CDC42EP3: variants seen among roughly 807,000 people sequenced by gnomAD.
The protein encoded by CDC42EP3 is CDC42 effector protein 3.
CDC42EP3 carries 4 observed loss-of-function variants against 15.5 expected under a neutral mutation model. That is an observed-to-expected ratio of 0.26 (90% CI 0.13 to 0.59). The LOEUF is 0.59. Among genes scored for constraint, CDC42EP3 ranks in the 20% least tolerant of loss-of-function variants. The probability of loss-of-function intolerance (pLI) is 0.89; values close to 1 mark genes in which losing one functional copy is unlikely to be tolerated. For synonymous variants in CDC42EP3, 145 were observed against 130.3 expected (o/e 1.11, Z -0.77); for missense variants, 309 against 311.2 (o/e 0.99, Z 0.05).
intron 1 of CDC42EP3, among the ~76,000 whole-genome samples, chr2:37,658,364 G>T (rs1164825773): frequency 6.6e-6 from 1 of 152,124 alleles, no homozygotes; most frequent in Non-Finnish European, 1.5e-5. Flanking sequence ...TGTTGAGCTT[G>T]CATGGCGGTT....
In CDC42EP3 at chr2:37,642,427, G is replaced by T. The variant is rs1558333395; in HGVS notation, c.*3396C>A. 1 of 152,200 alleles carries T rather than the reference G, an allele frequency of 6.6e-6. No individual in the cohort carries two copies. Among genetic ancestry groups the T allele is most frequent in the Non-Finnish European group, 1.5e-5 (1 of 68,034 alleles). 9.4% of individuals were successfully genotyped at this position (152,200 alleles called of 1,614,324 possible). On this transcript the variant is annotated 3_prime_UTR_variant, in exon 2 of 2. Coordinates refer to ENST00000295324, the MANE Select transcript of CDC42EP3 (RefSeq NM_006449.5). Reference sequence around the variant, plus strand: ...GCTGGATATGGCTGTCTAGTGGGTGGCTTACTGACTTGCCTAAGAAAAAAT... The same window carrying T: ...GCTGGATATGGCTGTCTAGTGGGTGTCTTACTGACTTGCCTAAGAAAAAAT...
chr2:37,668,413 C>T (rs1572529293), intron 1 of CDC42EP3, among the ~76,000 whole-genome samples: 2 of 152,240 alleles, frequency 1.3e-5, no homozygotes, highest in East Asian at 1.9e-4. Context: ...CTCCTTTAAT[C>T]CTCAGGGAAA....
At chr2:37,650,499 G>C (rs572785299) in intron 1 of CDC42EP3, among the ~76,000 whole-genome samples, 1 of 152,146 alleles carries the variant, frequency 6.6e-6, no homozygotes, top group Non-Finnish European at 1.5e-5. Flanking sequence ...TCTATGTACC[G>C]AGCATTGTTC....
rs1159462178 is a variant in CDC42EP3, at chr2:37,644,632, A to G, written c.*1191T>C. ...GGCATCAGTGCTGACTTAAAAAAAA[A>G]AAAAAAAATCTGACCTCACATGTTC... On this transcript the variant is annotated 3_prime_UTR_variant, in exon 2 of 2. Coordinates refer to ENST00000295324, the MANE Select transcript of CDC42EP3 (RefSeq NM_006449.5). 9.2e-5 allele frequency: 14 copies of G among 152,070 alleles called. No individual in the cohort carries two copies. Among genetic ancestry groups the G allele is most frequent in the Non-Finnish European group, 2.9e-5 (2 of 68,002 alleles). The allele number at this position is 152,070 out of a possible 1,614,324, so 9.4% of individuals were successfully genotyped here.
upstream of CDC42EP3, chr2:37,672,566 G>C (rs1666468556): frequency 6.6e-6 from 1 of 152,266 alleles, no homozygotes; most frequent in Admixed American, 6.5e-5. Context: ...CCCCTCCGCC[G>C]GGGCCGGAGC....
At chr2:37,648,158 C>T (rs922491602) in intron 1 of CDC42EP3, among the ~76,000 whole-genome samples, 11 of 152,206 alleles carry the variant, frequency 7.2e-5, no homozygotes, top group Admixed American at 7.2e-4. Flanking sequence ...ATGAGATGCT[C>T]TTATCTCTTG....
At position 37,662,196 on chromosome 2, in the gene CDC42EP3, T is replaced by C. The variant is rs987807518; in HGVS notation, c.-236+9230A>G. On this transcript the variant is annotated intron_variant, in intron 1 of 1. Coordinates refer to ENST00000295324, the MANE Select transcript of CDC42EP3 (RefSeq NM_006449.5). Reference sequence around the variant, plus strand: ...CTTTCCCATCCTTCCTGGTATTAAATTAAGGGTCCTGAGCCATGTAGTGAC... The same window carrying C: ...CTTTCCCATCCTTCCTGGTATTAAACTAAGGGTCCTGAGCCATGTAGTGAC... Among the ~76,000 whole-genome samples, 7 of 152,224 alleles carry C rather than the reference T, an allele frequency of 4.6e-5. No homozygotes were observed. The South Asian group carries it at 1.2e-3, about 27-fold the overall frequency.
intron 1 of CDC42EP3, among the ~76,000 whole-genome samples, chr2:37,661,848 A>T (rs1444966284): frequency 6.6e-6 from 1 of 152,186 alleles, no homozygotes; most frequent in African/African-American, 2.4e-5. Flanking sequence ...AAATTATGTT[A>T]TTATCTGTTT....
rs1242121168 is a variant in CDC42EP3 at position 37,645,683 on chromosome 2, G to A, written c.*140C>T. The A allele has an allele frequency of 4.2e-6, 3 of 711,458 alleles. No individual in the cohort carries two copies. Among genetic ancestry groups the A allele is most frequent in the African/African-American group, 3.6e-5 (2 of 56,084 alleles). The allele number at this position is 711,458 out of a possible 1,614,324, so 44.1% of individuals were successfully genotyped here. A position where few individuals can be genotyped will look rare whatever the true frequency, so the allele number is the denominator to read the frequency against. ...TTGTTTTTGCAAACAGGGCATAACAGGTAAAAAAATACTTTGTAAGAATAT... is the reference window on the plus strand; with the variant it reads ...TTGTTTTTGCAAACAGGGCATAACAAGTAAAAAAATACTTTGTAAGAATAT... On this transcript the variant is annotated 3_prime_UTR_variant, in exon 2 of 2. Transcript: ENST00000295324.
upstream of CDC42EP3, chr2:37,672,033 A>C (rs1378298602): frequency 6.6e-6 from 1 of 151,916 alleles, no homozygotes; most frequent in Non-Finnish European, 1.5e-5. Flanking sequence ...CGCACCCCGG[A>C]CTCCCGCACT....
At chr2:37,660,493 G>C (rs1444098285) in intron 1 of CDC42EP3, among the ~76,000 whole-genome samples, 1 of 152,172 alleles carries the variant, frequency 6.6e-6, no homozygotes, top group Non-Finnish European at 1.5e-5. Context: ...GATAAAAGTG[G>C]TGTTTTCATA....
intron 1 of CDC42EP3, among the ~76,000 whole-genome samples, chr2:37,650,054 T>TA (rs5830490): frequency 0.39 from 59,216 of 152,046 alleles, 14,060 homozygotes; most frequent in African/African-American, 0.65. Flanking sequence ...CCCTGAAAGT[T>TA]AAGAATTTTG....
At chr2:37,653,166 C>G (rs367659770) in intron 1 of CDC42EP3, among the ~76,000 whole-genome samples, 1 of 152,090 alleles carries the variant, frequency 6.6e-6, no homozygotes, top group Non-Finnish European at 1.5e-5. Context: ...GATTTGCCAA[C>G]AAAAGGGTCC....
At chr2:37,662,160 T>C (rs1447949566) in intron 1 of CDC42EP3, among the ~76,000 whole-genome samples, 1 of 152,162 alleles carries the variant, frequency 6.6e-6, no homozygotes, top group African/African-American at 2.4e-5. Context: ...GCGAATACAA[T>C]TTTCATCACC....
chr2:37,645,775 AGTTT>A lies in CDC42EP3; in HGVS notation c.*44_*47del. On this transcript the variant is annotated 3_prime_UTR_variant, in exon 2 of 2. Coordinates refer to ENST00000295324, the MANE Select transcript of CDC42EP3 (RefSeq NM_006449.5). ...GAAGCCCTTCTCTTCAACTGTGGTT[AGTTT>A]GTTTTTGTACCTTTTACCCCAAAGG... The A allele has an allele frequency of 7.1e-7, 1 of 1,410,854 alleles. No homozygotes were observed. The highest frequency in any genetic ancestry group is 9.5e-7 in the Non-Finnish European group (1 of 1,050,058). The allele number at this position is 1,410,854 out of a possible 1,614,324, so 87.4% of individuals were successfully genotyped here.
intron 1 of CDC42EP3, among the ~76,000 whole-genome samples, chr2:37,661,346 A>G (rs1448914505): frequency 6.6e-6 from 1 of 152,180 alleles, no homozygotes; most frequent in African/African-American, 2.4e-5. Context: ...AGATGGGTCA[A>G]TTACTTGTAA....
chr2:37,659,304 C>A (rs977092327), intron 1 of CDC42EP3, among the ~76,000 whole-genome samples: 1 of 152,190 alleles, frequency 6.6e-6, no homozygotes, highest in Admixed American at 6.5e-5. Context: ...ATGATTCTTA[C>A]AGAAGAAAAC....
intron 1 of CDC42EP3, among the ~76,000 whole-genome samples, chr2:37,656,530 C>A (rs1265624658): frequency 1.3e-5 from 2 of 152,204 alleles, no homozygotes; most frequent in Non-Finnish European, 1.5e-5. Flanking sequence ...TAATTTACAC[C>A]TGTGAAGAGT....
chr2:37,646,775 C>T lies in CDC42EP3; in HGVS notation c.-188G>A. 3 of 568,688 alleles carry T rather than the reference C, an allele frequency of 5.3e-6. No homozygotes were observed. The highest frequency in any genetic ancestry group is 9.4e-6 in the Non-Finnish European group (3 of 319,786). The allele number at this position is 568,688 out of a possible 1,614,324, so 35.2% of individuals were successfully genotyped here. On this transcript the variant is annotated 5_prime_UTR_variant, in exon 2 of 2. Transcript: ENST00000295324. ...TGAGGTTACGGCCAAGTGAGGCTTCCTAGAGAGCCAGTTACATCATCCAGT... is the reference window on the plus strand; with the variant it reads ...TGAGGTTACGGCCAAGTGAGGCTTCTTAGAGAGCCAGTTACATCATCCAGT...
Sources: gnomAD v4.1 joint callset for allele counts (sites outside exome capture counted in the v4.1 genomes callset) on GRCh38, gnomAD v4.1.1 for gene constraint, MANE v1.5 for transcripts, NCBI Gene and HGNC (gene_info 2026-07-23, HGNC 2026-07-21) for gene names.